ESR1: variants seen among roughly 807,000 people sequenced by gnomAD.
ESR1 encodes the protein estrogen receptor 1.
In ESR1, 12 loss-of-function variants were observed where a neutral mutation model predicts 52.7. That is an observed-to-expected ratio of 0.23 (90% CI 0.15 to 0.37). The LOEUF is 0.37. Ranked by LOEUF, ESR1 falls within the 10% of genes least tolerant of loss-of-function variation. The probability of loss-of-function intolerance (pLI) is 1.00; values close to 1 mark genes in which losing one functional copy is unlikely to be tolerated. For synonymous variants in ESR1, 305 were observed against 316.8 expected (o/e 0.96, Z 0.39); for missense variants, 584 against 779.7 (o/e 0.75, Z 2.99).
chr6:151,687,116 G>A (rs1324955508), upstream of ESR1, among the ~76,000 whole-genome samples: 1 of 152,192 alleles, frequency 6.6e-6, no homozygotes, highest in East Asian at 1.9e-4. Context: ...GATTGGTCCA[G>A]TTCATCTTTT....
In ESR1 at chr6:151,808,141, G is replaced by T; in HGVS notation, c.229G>T (p.Gly77Cys). Residue 77 changes from glycine to cysteine, a missense_variant, in exon 1 of 8, where the codon GGC (glycine) becomes TGC (cysteine). Transcript: ENST00000206249. The stretch of plus-strand genomic sequence containing the variant: ...CAACGCGCAGGTCTACGGTCAGACC[G>T]GCCTCCCCTACGGCCCCGGGTCTGA... ...AANAQVYGQT[G>C]LPYGPGSEAA... The T allele has an allele frequency of 6.2e-7, 1 of 1,604,744 alleles. No homozygotes were observed. Among genetic ancestry groups the T allele is most frequent in the East Asian group, 2.3e-5 (1 of 44,422 alleles).
chr6:151,815,368 G>A (rs1779448662), intron 1 of ESR1, among the ~76,000 whole-genome samples: 2 of 152,216 alleles, frequency 1.3e-5, no homozygotes, highest in South Asian at 2.1e-4. Context: ...GAATCCCTGA[G>A]CACTGGTCCA....
intron 2 of ESR1, among the ~76,000 whole-genome samples, chr6:151,746,734 A>G (rs1856057): frequency 0.54 from 82,749 of 152,078 alleles, 23,055 homozygotes; most frequent in Non-Finnish European, 0.58. Flanking sequence ...CAACTCTTTT[A>G]TATAACGAAC....
intron 3 of ESR1, among the ~76,000 whole-genome samples, chr6:151,897,499 A>T (rs978768844): frequency 2.0e-4 from 30 of 151,744 alleles, no homozygotes; most frequent in Non-Finnish European, 4.4e-5. Context: ...AAGAATAGCT[A>T]CTCCTACTTG....
chr6:151,824,341 T>C (rs1174701783), intron 1 of ESR1, among the ~76,000 whole-genome samples: 4 of 152,228 alleles, frequency 2.6e-5, no homozygotes, highest in Non-Finnish European at 4.4e-5. Context: ...CTTGTAAATT[T>C]GTTTGAGTTC....
At chr6:151,878,013 T>C (rs982697447) in intron 2 of ESR1, among the ~76,000 whole-genome samples, 5 of 151,984 alleles carry the variant, frequency 3.3e-5, no homozygotes, top group Admixed American at 2.0e-4. Context: ...CAAGATATTG[T>C]TATGTTGCCC....
chr6:152,007,022 G>A (rs2042386241), intron 4 of ESR1, among the ~76,000 whole-genome samples: 1 of 151,966 alleles, frequency 6.6e-6, no homozygotes, highest in African/African-American at 2.4e-5. Context: ...CTCTACTGAA[G>A]AGCCACCCTG....
chr6:151,965,953 A>T (rs559017495), intron 4 of ESR1, among the ~76,000 whole-genome samples: 1 of 152,146 alleles, frequency 6.6e-6, no homozygotes, highest in African/African-American at 2.4e-5. Flanking sequence ...AGTGACGCTC[A>T]AGGAGGTATT....
chr6:151,674,436 G>A (rs1778184441), intron 1 of ESR1, among the ~76,000 whole-genome samples: 1 of 152,162 alleles, frequency 6.6e-6, no homozygotes, highest in African/African-American at 2.4e-5. Context: ...TATCATTGAT[G>A]GGCATTTGGG....
intron 6 of ESR1, among the ~76,000 whole-genome samples, chr6:152,108,493 C>A (rs765473690): frequency 1.3e-5 from 2 of 152,158 alleles, no homozygotes; most frequent in Non-Finnish European, 2.9e-5. Flanking sequence ...CTTATAGTTT[C>A]TTTTTGGAGT....
At chr6:152,109,823 G>C (rs1303161345) in intron 6 of ESR1, among the ~76,000 whole-genome samples, 1 of 152,208 alleles carries the variant, frequency 6.6e-6, no homozygotes, top group Admixed American at 6.5e-5. Context: ...ATAACCTGGG[G>C]TGCCGGTTGA....
upstream of ESR1, among the ~76,000 whole-genome samples, chr6:151,801,727 T>A (rs1264301703): frequency 1.3e-5 from 2 of 152,346 alleles, no homozygotes; most frequent in South Asian, 4.1e-4. Context: ...TAAAAGCCAT[T>A]GTACTTAAAG....
At chr6:151,696,445 C>T (rs1779347941) in intron 1 of ESR1, among the ~76,000 whole-genome samples, 2 of 151,378 alleles carry the variant, frequency 1.3e-5, no homozygotes, top group South Asian at 4.2e-4. Context: ...GCACTCCAGC[C>T]TGGGAGACAT....
At chr6:151,830,829 C>A (rs553884517) in intron 1 of ESR1, among the ~76,000 whole-genome samples, 1 of 151,956 alleles carries the variant, frequency 6.6e-6, no homozygotes, top group Non-Finnish European at 1.5e-5. Flanking sequence ...GACATTTTAC[C>A]GAGAGCCTTA....
intron 1 of ESR1, among the ~76,000 whole-genome samples, chr6:151,841,331 A>G (rs942355702): frequency 1.3e-5 from 2 of 152,030 alleles, no homozygotes; most frequent in Non-Finnish European, 2.9e-5. Context: ...CCTCATTTTC[A>G]TCTCCTTACA....
intron 2 of ESR1, among the ~76,000 whole-genome samples, chr6:151,787,027 G>A (rs181244993): frequency 2.0e-5 from 3 of 152,226 alleles, no homozygotes; most frequent in Non-Finnish European, 2.9e-5. Flanking sequence ...CAGGCTGGTC[G>A]TGAACTCCTG....
chr6:151,954,397 T>C (rs2036670381), intron 4 of ESR1, among the ~76,000 whole-genome samples: 1 of 152,190 alleles, frequency 6.6e-6, no homozygotes, highest in South Asian at 2.1e-4. Context: ...GCAAAGCCCC[T>C]CACACAATAG....
intron 3 of ESR1, among the ~76,000 whole-genome samples, chr6:151,900,194 A>G (rs898107412): frequency 1.3e-5 from 2 of 152,164 alleles, no homozygotes; most frequent in Non-Finnish European, 2.9e-5. Flanking sequence ...CTTGTCTTTG[A>G]GCTCTGAAGT....
At chr6:151,705,823 A>T (rs1780145170) in intron 2 of ESR1, among the ~76,000 whole-genome samples, 1 of 152,178 alleles carries the variant, frequency 6.6e-6, no homozygotes, top group Admixed American at 6.5e-5. Flanking sequence ...TTAATTTATC[A>T]GTCTGGGTGT....
Sources: allele counts gnomAD v4.1 joint callset (sites outside exome capture counted in the v4.1 genomes callset), GRCh38; gene constraint gnomAD v4.1.1; transcripts MANE v1.5; gene names NCBI Gene and HGNC (gene_info 2026-07-23, HGNC 2026-07-21).